The following ANKRD18A variants were observed in gnomAD, a reference collection of about 807,000 sequenced individuals.
The protein encoded by ANKRD18A is ankyrin repeat domain-containing protein 18A.
ANKRD18A carries 72 observed loss-of-function variants against 110.6 expected under a neutral mutation model. That is an observed-to-expected ratio of 0.65 (90% CI 0.54 to 0.79). The LOEUF is 0.79. ANKRD18A is among the 30% of genes least tolerant of loss of function. The probability of loss-of-function intolerance (pLI) is 0.00; values close to 1 mark genes in which losing one functional copy is unlikely to be tolerated. For missense variants in ANKRD18A, 934 were observed against 1,163.3 expected (o/e 0.80, Z 2.87); for synonymous variants, 305 against 410.3 (o/e 0.74, Z 3.10).
chr9:38,578,007 T>A lies in ANKRD18A; in HGVS notation c.2389A>T (p.Met797Leu). The A allele has an allele frequency of 6.4e-7, 1 of 1,558,662 alleles. No homozygotes were observed. The highest frequency in any genetic ancestry group is 2.4e-5 in the East Asian group (1 of 41,524). Residue 797 changes from methionine to leucine, a missense_variant, in exon 13 of 16, where the codon ATG (methionine) becomes TTG (leucine). Physicochemically the swap from Met to Leu is conservative, Grantham distance 15. This residue lies in a region of ANKRD18A where 223 missense variants were observed against 226.7 expected (regional missense o/e 0.98). Coordinates refer to ENST00000399703, the MANE Select transcript of ANKRD18A (RefSeq NM_147195.4). ...KCEKLEKDKK[M>L]LEEEVLNLKT... Reference sequence around the variant, plus strand: ...AGATTTAATACTTCTTCTTCCAACATCTTTTTATCCTTCTCAAGTTTTTCA... The same window carrying A: ...AGATTTAATACTTCTTCTTCCAACAACTTTTTATCCTTCTCAAGTTTTTCA...
intron 3 of ANKRD18A, among the ~76,000 whole-genome samples, chr9:38,612,763 C>T (rs1004867770): frequency 1.4e-4 from 22 of 151,986 alleles, no homozygotes; most frequent in African/African-American, 4.6e-4. Context: ...GTGATCTGCC[C>T]GCCTCAGCCT....
chr9:38,595,159 T>A (rs1354760913), intron 9 of ANKRD18A, among the ~76,000 whole-genome samples: 1 of 152,214 alleles, frequency 6.6e-6, no homozygotes, highest in African/African-American at 2.4e-5. Context: ...TTATCTTTTT[T>A]AACAAACAGT....
In ANKRD18A at chr9:38,598,212, T is replaced by C. The variant is rs192172934; in HGVS notation, c.937-1809A>G. 6.7e-3 allele frequency among the ~76,000 whole-genome samples: 1,013 copies of C among 152,318 alleles called. 8 individuals carry two copies. Among genetic ancestry groups the C allele is most frequent in the Non-Finnish European group, 7.1e-3 (480 of 68,010 alleles). On this transcript the variant is annotated intron_variant, in intron 8 of 15. Transcript: ENST00000399703. ...CTTTAAATGAATACAGAAAAAAGAA[T>C]CTAGACATTATTTCTTTAGCAATTT... is the stretch of plus-strand genomic sequence containing the variant.
intron 14 of ANKRD18A, among the ~76,000 whole-genome samples, chr9:38,576,233 T>C (rs375160154): frequency 1.3e-5 from 2 of 152,246 alleles, no homozygotes; most frequent in East Asian, 1.9e-4. Context: ...TTCACCCTTG[T>C]ACATTTCACC....
At chr9:38,566,761 G>A (rs1005293462), downstream of ANKRD18A, 12 of 152,232 alleles carry the variant, frequency 7.9e-5, no homozygotes, top group African/African-American at 2.9e-4. Flanking sequence ...GGCAAAGAAA[G>A]AGTCAGTTGT....
chr9:38,577,415 C>T (rs1734024279), intron 13 of ANKRD18A, among the ~76,000 whole-genome samples, 151 bp from the exon 14 acceptor site: 1 of 152,044 alleles, frequency 6.6e-6, no homozygotes, highest in African/African-American at 2.4e-5. Flanking sequence ...GCAATATCAA[C>T]AAAACTAATA....
downstream of ANKRD18A, among the ~76,000 whole-genome samples, chr9:38,569,908 G>A (rs1823578544): frequency 6.6e-6 from 1 of 152,152 alleles, no homozygotes; most frequent in African/African-American, 2.4e-5. Flanking sequence ...CAGGTACTGT[G>A]TAAAGTTGGA....
At chr9:38,613,905 T>C (rs144918966) in intron 3 of ANKRD18A, among the ~76,000 whole-genome samples, 2,828 of 152,272 alleles carry the variant, frequency 0.019, 80 homozygotes, top group African/African-American at 0.057. Context: ...TCTCTACTTA[T>C]TGAAAGATTA....
intron 12 of ANKRD18A, among the ~76,000 whole-genome samples, chr9:38,578,592 C>G (rs1417931823): frequency 6.6e-6 from 1 of 152,122 alleles, no homozygotes; most frequent in Non-Finnish European, 1.5e-5. Flanking sequence ...ATATAATACT[C>G]TACGCTAGGC....
At chr9:38,600,544 C>T (rs1388189547) in intron 8 of ANKRD18A, among the ~76,000 whole-genome samples, 2 of 152,106 alleles carry the variant, frequency 1.3e-5, no homozygotes, top group African/African-American at 4.8e-5. Context: ...TATGTTAAAA[C>T]AAGAAAGTTA....
At chr9:38,615,453 C>A in intron 3 of ANKRD18A, 141 bp downstream of exon 3, 1 of 1,213,030 alleles carries the variant, frequency 8.2e-7, no homozygotes, top group Non-Finnish European at 1.1e-6. Flanking sequence ...TTAAAAGTAT[C>A]AATATTTAAA....
intron 11 of ANKRD18A, among the ~76,000 whole-genome samples, chr9:38,586,514 A>G (rs1824386410): frequency 1.3e-5 from 2 of 152,114 alleles, no homozygotes; most frequent in South Asian, 4.1e-4. Context: ...ATTTTATGGT[A>G]TATATAGCAG....
intron 12 of ANKRD18A, among the ~76,000 whole-genome samples, chr9:38,585,644 C>T (rs1824347689): frequency 6.6e-6 from 1 of 151,970 alleles, no homozygotes; most frequent in Admixed American, 6.6e-5. Context: ...ATTTTAATCC[C>T]CAAACTGATT....
intron 15 of ANKRD18A, among the ~76,000 whole-genome samples, chr9:38,574,231 A>C (rs1427029740): frequency 1.3e-5 from 2 of 152,112 alleles, no homozygotes; most frequent in African/African-American, 4.8e-5. Context: ...AAAGGACATG[A>C]TTTTATTCTT....
downstream of ANKRD18A, chr9:38,570,983 C>T: frequency 1.1e-6 from 1 of 897,606 alleles, no homozygotes; most frequent in East Asian, 3.1e-5. Flanking sequence ...TCTCCCAGGG[C>T]CCTTCCTGAA....
At chr9:38,601,249 A>G in intron 7 of ANKRD18A, 45 bp from the exon 8 acceptor site, 3 of 1,488,912 alleles carry the variant, frequency 2.0e-6, no homozygotes, top group Non-Finnish European at 2.7e-6. Context: ...TTTAAAGACT[A>G]TAATCTTTAT....
chr9:38,584,675 T>C (rs1824299925), intron 12 of ANKRD18A, among the ~76,000 whole-genome samples: 1 of 152,240 alleles, frequency 6.6e-6, no homozygotes, highest in South Asian at 2.1e-4. Context: ...CAACAGCACA[T>C]CTTTTGTAAG....
intron 10 of ANKRD18A, among the ~76,000 whole-genome samples, chr9:38,590,773 A>G (rs921093404): frequency 3.5e-4 from 54 of 152,234 alleles, no homozygotes; most frequent in Middle Eastern, 3.4e-3. Flanking sequence ...AATGGTGTCC[A>G]CCAAATGTCT....
intron 1 of ANKRD18A, among the ~76,000 whole-genome samples, chr9:38,616,518 T>A (rs551537444): frequency 6.6e-6 from 1 of 152,306 alleles, no homozygotes; most frequent in South Asian, 2.1e-4. Flanking sequence ...AATGGTGTAT[T>A]TATACCTCAC....
Sources: allele counts gnomAD v4.1 joint callset (sites outside exome capture counted in the v4.1 genomes callset), GRCh38; gene constraint gnomAD v4.1.1; regional missense constraint gnomAD v4.1.1; transcripts MANE v1.5; gene names NCBI Gene and HGNC (gene_info 2026-07-23, HGNC 2026-07-21).